The following SGIP1 variants were observed in gnomAD, a reference collection of about 807,000 sequenced individuals.
SGIP1 encodes SH3GL interacting endocytic adaptor 1.
In SGIP1, 38 loss-of-function variants were observed where a neutral mutation model predicts 107.5. That is an observed-to-expected ratio of 0.35 (90% confidence interval 0.27 to 0.46). SGIP1 has a LOEUF of 0.46. Ranked by LOEUF, SGIP1 falls within the 20% of genes least tolerant of loss-of-function variation. The pLI, the probability that SGIP1 is intolerant of heterozygous loss-of-function variation, is 1.00. For synonymous variants in SGIP1, 365 were observed against 366.1 expected (o/e 1.00, Z 0.03); for missense variants, 929 against 1,019.5 (o/e 0.91, Z 1.21).
chr1:66,625,165 C>A (rs934226879), intron 1 of SGIP1, among the ~76,000 whole-genome samples: 2 of 152,238 alleles, frequency 1.3e-5, no homozygotes, highest in African/African-American at 4.8e-5. Context: ...GTGTCTTACG[C>A]CTCTAGGATT....
intron 18 of SGIP1, among the ~76,000 whole-genome samples, chr1:66,713,563 A>G (rs190103552): frequency 7.3e-4 from 111 of 152,282 alleles, no homozygotes; most frequent in African/African-American, 2.5e-3. Flanking sequence ...ATTAACAGCA[A>G]TAATATAACA....
intron 18 of SGIP1, among the ~76,000 whole-genome samples, chr1:66,707,923 T>G (rs914076607): frequency 4.6e-5 from 7 of 152,192 alleles, no homozygotes; most frequent in African/African-American, 1.7e-4. Flanking sequence ...ATATGTATAT[T>G]TGTGTGCTTT....
At chr1:66,634,193 C>T (rs915528094) in intron 3 of SGIP1, 3 of 1,585,346 alleles carry the variant, frequency 1.9e-6, no homozygotes, top group South Asian at 2.3e-5. Context: ...CTCTTCTTTG[C>T]TTCCGGCTTG....
chr1:66,585,291 T>C (rs114362199), intron 1 of SGIP1, among the ~76,000 whole-genome samples: 314 of 152,310 alleles, frequency 2.1e-3, no homozygotes, highest in African/African-American at 7.3e-3. Context: ...CTTACATTTG[T>C]TTTGTGCTGA....
intron 1 of SGIP1, among the ~76,000 whole-genome samples, chr1:66,614,161 A>G (rs1027654893): frequency 1.3e-5 from 2 of 152,210 alleles, no homozygotes; most frequent in African/African-American, 2.4e-5. Context: ...GAAATAGAAG[A>G]TCTGTAAGTA....
At chr1:66,645,559 C>A (rs1476766146) in intron 7 of SGIP1, among the ~76,000 whole-genome samples, 2 of 152,160 alleles carry the variant, frequency 1.3e-5, no homozygotes, top group African/African-American at 4.8e-5. Context: ...ACGCCACAGA[C>A]CAAGGGACCC....
chr1:66,543,260 T>G (rs1157522395), intron 1 of SGIP1, among the ~76,000 whole-genome samples: 1 of 152,178 alleles, frequency 6.6e-6, no homozygotes, highest in South Asian at 2.1e-4. Flanking sequence ...AAAAGCCTGG[T>G]TCCCACCACG....
rs41309145 is a variant in SGIP1, at chr1:66,690,345, G to T, written c.1570+29G>T. 19 of 1,612,428 alleles carry T rather than the reference G, an allele frequency of 1.2e-5. No homozygotes were observed. The South Asian group carries it at 2.1e-4, about 18-fold the overall frequency. Reference sequence around the variant, plus strand: ...AAAATTCTCTCCTCTCTTTTAATCCGTTTGTGGTTTTGACTGGCTATTTTT... The same window carrying T: ...AAAATTCTCTCCTCTCTTTTAATCCTTTTGTGGTTTTGACTGGCTATTTTT... On this transcript the variant is annotated intron_variant, in intron 17 of 24. Coordinates refer to ENST00000371037, the MANE Select transcript of SGIP1 (RefSeq NM_032291.4).
chr1:66,601,532 T>TGA (rs753130062), intron 1 of SGIP1, among the ~76,000 whole-genome samples: 257 of 150,340 alleles, frequency 1.7e-3, no homozygotes, highest in South Asian at 2.7e-3. Flanking sequence ...TGTGTGTGTG[T>TGA]GAGAGAGAGA....
chr1:66,537,165 A>C lies in SGIP1; in HGVS notation c.10+2797A>C, dbSNP rs534916143. On this transcript the variant is annotated intron_variant, in intron 1 of 24. Coordinates refer to ENST00000371037, the MANE Select transcript of SGIP1 (RefSeq NM_032291.4). ...GGTTTGTGGCTCCATGGTTCTTTTA[A>C]CATATTTTAATTAAAAAACATATTT... 4.6e-5 allele frequency among the ~76,000 whole-genome samples: 7 copies of C among 152,262 alleles called. No individual in the cohort carries two copies. In the South Asian group the frequency reaches 1.2e-3, roughly 27 times the overall value.
rs115712980 is a variant in SGIP1, at chr1:66,703,489, T to C, written c.1630+7996T>C. Reference sequence around the variant, plus strand: ...AGAAAGATTCCTCAATTAATGCATATCCATTTGCTCTCAGTACACATATAC... The same window carrying C: ...AGAAAGATTCCTCAATTAATGCATACCCATTTGCTCTCAGTACACATATAC... On this transcript the variant is annotated intron_variant, in intron 18 of 24. Coordinates refer to ENST00000371037, the MANE Select transcript of SGIP1 (RefSeq NM_032291.4). 6.3e-3 allele frequency among the ~76,000 whole-genome samples: 953 copies of C among 151,752 alleles called. 11 individuals carry two copies. The highest frequency in any genetic ancestry group is 0.022 in the African/African-American group (914 of 41,360).
At chr1:66,601,783 C>A (rs1435954025) in intron 1 of SGIP1, among the ~76,000 whole-genome samples, 1 of 152,156 alleles carries the variant, frequency 6.6e-6, no homozygotes, top group Non-Finnish European at 1.5e-5. Context: ...ACTTTTTTTA[C>A]CGCATTCAAT....
At chr1:66,668,440 C>T (rs192517023) in intron 9 of SGIP1, among the ~76,000 whole-genome samples, 7 of 152,242 alleles carry the variant, frequency 4.6e-5, no homozygotes, top group South Asian at 2.1e-4. Flanking sequence ...CCACCTGCCT[C>T]GACCTCCCAA....
intron 7 of SGIP1, among the ~76,000 whole-genome samples, chr1:66,654,282 A>T (rs537157668): frequency 1.3e-5 from 2 of 152,164 alleles, no homozygotes; most frequent in Non-Finnish European, 2.9e-5. Context: ...GAACAATAAG[A>T]TCAATAATTT....
rs771417107 is a variant in SGIP1, at chr1:66,749,960, ATACAT to A, written c.*6866_*6870del. The stretch of plus-strand genomic sequence containing the variant: ...TTAGTTCTTGCTTTGTTAAATGGAC[ATACAT>A]GAAAGAGATTGGCTCCTATCTAATT... On this transcript the variant is annotated 3_prime_UTR_variant, in exon 25 of 25. Coordinates refer to ENST00000371037, the MANE Select transcript of SGIP1 (RefSeq NM_032291.4). 3.4e-4 allele frequency among the ~76,000 whole-genome samples: 51 copies of A among 152,146 alleles called. No individual in the cohort carries two copies. Among genetic ancestry groups the A allele is most frequent in the Non-Finnish European group, 6.5e-4 (44 of 67,954 alleles).
chr1:66,590,297 T>C (rs996409316), intron 1 of SGIP1, among the ~76,000 whole-genome samples: 1 of 152,176 alleles, frequency 6.6e-6, no homozygotes, highest in Non-Finnish European at 1.5e-5. Flanking sequence ...TGTGCATTCC[T>C]AGGAACAATT....
At chr1:66,727,727 A>G (rs2093822071) in intron 19 of SGIP1, among the ~76,000 whole-genome samples, 1 of 152,246 alleles carries the variant, frequency 6.6e-6, no homozygotes, top group South Asian at 2.1e-4. Context: ...ACACAACTAC[A>G]TGAACAAGTC....
At chr1:66,659,859 A>T (rs2080549721) in intron 7 of SGIP1, among the ~76,000 whole-genome samples, 2 of 150,486 alleles carry the variant, frequency 1.3e-5, no homozygotes, top group Admixed American at 6.7e-5. Flanking sequence ...TCAGTGAGCT[A>T]TGATTATGCC....
intron 1 of SGIP1, among the ~76,000 whole-genome samples, chr1:66,582,869 G>A (rs1447169704): frequency 6.6e-6 from 1 of 150,912 alleles, no homozygotes; most frequent in Admixed American, 6.6e-5. Context: ...TTAGATCTTT[G>A]TTTAACAGAG....
Sources: gnomAD v4.1 joint callset for allele counts (sites outside exome capture counted in the v4.1 genomes callset) on GRCh38, gnomAD v4.1.1 for gene constraint, MANE v1.5 for transcripts, NCBI Gene and HGNC (gene_info 2026-07-23, HGNC 2026-07-21) for gene names.